The following MBD5 variants were observed in gnomAD, a reference collection of about 807,000 sequenced individuals.
MBD5 encodes the protein methyl-CpG binding domain protein 5, also known as methyl-CpG-binding domain protein 5.
A neutral mutation model predicts 117.3 loss-of-function variants in MBD5; 13 were observed. The observed-to-expected ratio is 0.11, with a 90% CI of 0.07 to 0.18. The LOEUF (loss-of-function observed/expected upper bound fraction) is 0.18. Ranked by LOEUF, MBD5 falls within the 10% of genes least tolerant of loss-of-function variation. The pLI is 1.00. For missense variants in MBD5, 1,879 were observed against 2,093.8 expected (o/e 0.90, Z 2.00); for synonymous variants, 727 against 766.4 (o/e 0.95, Z 0.85).
In MBD5 at chr2:148,350,361, G is replaced by A. The variant is rs575560223; in HGVS notation, c.-557+8025G>A. ...TAAAACCTACAGCAACAGTCAATGT[G>A]TTCTGAGTGCTGGCCTTCTTTATTC... is the stretch of plus-strand genomic sequence containing the variant. On this transcript the variant is annotated intron_variant, in intron 4 of 13. Transcript: ENST00000642680. Among the ~76,000 whole-genome samples the A allele has an allele frequency of 2.6e-5, 4 of 152,120 alleles. No individual in the cohort carries two copies. In the South Asian group the frequency reaches 8.3e-4, roughly 32 times the overall value.
intron 3 of MBD5, among the ~76,000 whole-genome samples, chr2:148,321,167 T>C (rs1179459071): frequency 2.0e-5 from 3 of 152,204 alleles, no homozygotes; most frequent in Admixed American, 1.3e-4. Context: ...CAATGAAATA[T>C]AACTTAGTAA....
At chr2:148,373,355 A>G (rs915834095) in intron 4 of MBD5, among the ~76,000 whole-genome samples, 1 of 152,156 alleles carries the variant, frequency 6.6e-6, no homozygotes, top group Non-Finnish European at 1.5e-5. Flanking sequence ...TGAGAAGTGC[A>G]TATTGAATAA....
intron 3 of MBD5, among the ~76,000 whole-genome samples, chr2:148,250,438 CCTT>C (rs562832453): frequency 3.8e-3 from 576 of 152,284 alleles, no homozygotes; most frequent in Non-Finnish European, 6.5e-3. Context: ...GACCCCTGAA[CCTT>C]CTTCTTTGCT....
At position 148,133,012 on chromosome 2, in the gene MBD5, T is replaced by A. The variant is rs543431401; in HGVS notation, c.-924-45688T>A. ...GGTATACTAAAATACCTAAAAAGATTTTTTACCTAAAAATAATTTGTGTAA... is the reference window on the plus strand; with the variant it reads ...GGTATACTAAAATACCTAAAAAGATATTTTACCTAAAAATAATTTGTGTAA... On this transcript the variant is annotated intron_variant, in intron 1 of 13. Transcript: ENST00000642680. Among the ~76,000 whole-genome samples, 1,123 of 152,254 alleles carry A rather than the reference T, an allele frequency of 7.4e-3. 15 individuals carry two copies. Among genetic ancestry groups the A allele is most frequent in the African/African-American group, 0.025 (1,055 of 41,548 alleles).
At chr2:148,052,429 C>T (rs1433771761) in intron 1 of MBD5, among the ~76,000 whole-genome samples, 4 of 151,876 alleles carry the variant, frequency 2.6e-5, no homozygotes, top group Admixed American at 6.6e-5. Context: ...AGGCTGGTCT[C>T]GAACTCTCGA....
At chr2:148,085,463 G>A (rs1368164403) in intron 1 of MBD5, among the ~76,000 whole-genome samples, 1 of 152,088 alleles carries the variant, frequency 6.6e-6, no homozygotes, top group Non-Finnish European at 1.5e-5. Context: ...GGTGGCTCAC[G>A]CCTGTAATCC....
At chr2:148,363,628 A>G (rs934949256) in intron 4 of MBD5, among the ~76,000 whole-genome samples, 2 of 152,176 alleles carry the variant, frequency 1.3e-5, no homozygotes, top group Non-Finnish European at 2.9e-5. Flanking sequence ...ATACCCAGGC[A>G]AACAGGGTCT....
intron 1 of MBD5, among the ~76,000 whole-genome samples, chr2:148,112,029 G>T (rs1696514320): frequency 6.6e-6 from 1 of 152,110 alleles, no homozygotes; most frequent in Non-Finnish European, 1.5e-5. Flanking sequence ...TTGACTGCAG[G>T]AAACTGAAAC....
At chr2:148,220,663 G>A (rs185779623) in intron 2 of MBD5, among the ~76,000 whole-genome samples, 17 of 152,162 alleles carry the variant, frequency 1.1e-4, no homozygotes, top group Non-Finnish European at 5.9e-5. Context: ...TATATGAAAT[G>A]TTTTGATACA....
At chr2:148,457,731 T>TA (rs932938314) in intron 4 of MBD5, among the ~76,000 whole-genome samples, 6 of 152,092 alleles carry the variant, frequency 3.9e-5, no homozygotes, top group Admixed American at 3.9e-4. Context: ...CTTTTTATTT[T>TA]AAAAAAATAA....
chr2:148,038,695 C>T (rs1159013200), intron 1 of MBD5, among the ~76,000 whole-genome samples: 1 of 151,710 alleles, frequency 6.6e-6, no homozygotes, highest in Non-Finnish European at 1.5e-5. Flanking sequence ...AAGCATATCC[C>T]ATCAATCACA....
chr2:148,464,082 G>T (rs1574453749), intron 7 of MBD5, among the ~76,000 whole-genome samples, 163 bp downstream of exon 7: 1 of 152,092 alleles, frequency 6.6e-6, no homozygotes, highest in East Asian at 1.9e-4. Flanking sequence ...AACTAGTTCT[G>T]AAAAAATATA....
chr2:148,267,912 A>AT (rs961545135), intron 3 of MBD5, among the ~76,000 whole-genome samples: 3 of 133,324 alleles, frequency 2.3e-5, no homozygotes, highest in South Asian at 2.5e-4. Flanking sequence ...ATTGTGAACG[A>AT]TTTTTTTTCT....
intron 3 of MBD5, among the ~76,000 whole-genome samples, chr2:148,242,629 T>G (rs1309391355): frequency 6.6e-6 from 1 of 152,128 alleles, no homozygotes; most frequent in African/African-American, 2.4e-5. Flanking sequence ...GAATTTCCAG[T>G]GAGAAACCAG....
rs1681246160 is a variant in MBD5, at chr2:148,483,826, G to A, written c.3235G>A (p.Ala1079Thr). 3 of 1,550,404 alleles carry A rather than the reference G, an allele frequency of 1.9e-6. No individual in the cohort carries two copies. Among genetic ancestry groups the A allele is most frequent in the Non-Finnish European group, 2.6e-6 (3 of 1,146,978 alleles). ...CCTGTTCCTCCCAGCTGTCAATGGG[G>A]CCTCAGGATTAATGACCTTGAATCC... Reference protein sequence around the residue: ...NPLFLPAVNGASGLMTLNPQL... With the variant: ...NPLFLPAVNGTSGLMTLNPQL... The change falls in exon 9 of 14, where the codon GCC (alanine) becomes ACC (threonine). Residue 1079 changes from alanine to threonine, a missense_variant. Transcript: ENST00000642680.
At chr2:148,330,317 G>C (rs1339240051) in intron 3 of MBD5, among the ~76,000 whole-genome samples, 1 of 152,124 alleles carries the variant, frequency 6.6e-6, no homozygotes, top group Admixed American at 6.5e-5. Flanking sequence ...GACAGAGAGA[G>C]AGAAGGATAT....
chr2:148,294,501 G>GTTTTTTTTTTTTTTTTTTTGTTTTTTTT, intron 3 of MBD5, among the ~76,000 whole-genome samples: 1 of 113,262 alleles, frequency 8.8e-6, no homozygotes, highest in African/African-American at 3.7e-5. Context: ...TGGGATTACA[G>GTTTTTTTTTTTTTTTTTTTGTTTTTTTT]TTTTTTTTTT....
chr2:148,183,734 A>C (rs888774388), intron 2 of MBD5, among the ~76,000 whole-genome samples: 4 of 152,048 alleles, frequency 2.6e-5, no homozygotes, highest in Admixed American at 2.6e-4. Context: ...ATTACTTCAC[A>C]CGTCTTTTAA....
At chr2:148,370,788 G>A (rs1317087264) in intron 4 of MBD5, among the ~76,000 whole-genome samples, 2 of 152,174 alleles carry the variant, frequency 1.3e-5, no homozygotes, top group South Asian at 2.1e-4. Context: ...CATGCTGGCT[G>A]ATAGCCTAAT....
Sources: gnomAD v4.1 joint callset for allele counts (sites outside exome capture counted in the v4.1 genomes callset) on GRCh38, gnomAD v4.1.1 for gene constraint, MANE v1.5 for transcripts, NCBI Gene and HGNC (gene_info 2026-07-23, HGNC 2026-07-21) for gene names.